The following EPHA2 variants were observed in gnomAD, a reference collection of about 807,000 sequenced individuals.
EPHA2 encodes the protein ephrin type-A receptor 2.
EPHA2 carries 54 observed loss-of-function variants against 104.9 expected under a neutral mutation model. The observed-to-expected ratio is 0.51, with a 90% CI of 0.41 to 0.65. EPHA2 has a LOEUF of 0.65. Among genes scored for constraint, EPHA2 ranks in the 30% least tolerant of loss-of-function variants. EPHA2 has a pLI of 0.00. For synonymous variants in EPHA2, 560 were observed against 559.1 expected, an observed-to-expected ratio of 1.00 and a Z score of -0.02; for missense variants, 1,117 against 1,369.5, an observed-to-expected ratio of 0.82 and a Z score of 2.91.
At position 16,133,328 on chromosome 1, in the gene EPHA2, G is replaced by A; in HGVS notation, c.1905C>T (p.Ser635=). Residue 635 remains serine (S), a synonymous_variant, in exon 11 of 17, where the codon TCC becomes TCT. Coordinates refer to ENST00000358432, the MANE Select transcript of EPHA2 (RefSeq NM_004431.5). ...GEVYKGMLKT[S]SGKKEVPVAI... ...CCACCGGCACCTCCTTCTTCCCCGAGGATGTCTTCAGCATGCCCTTGTACA... is the reference window on the plus strand; with the variant it reads ...CCACCGGCACCTCCTTCTTCCCCGAAGATGTCTTCAGCATGCCCTTGTACA... 6.2e-7 allele frequency: 1 copy of A among 1,613,816 alleles called. No individual in the cohort carries two copies. Among genetic ancestry groups the A allele is most frequent in the Non-Finnish European group, 8.5e-7 (1 of 1,179,946 alleles).
chr1:16,129,150 G>C (rs1049040303), intron 16 of EPHA2, among the ~76,000 whole-genome samples: 1 of 150,886 alleles, frequency 6.6e-6, no homozygotes, highest in Non-Finnish European at 1.5e-5. Context: ...AAGCAGAGAC[G>C]GCACATAGCC....
Position 16,143,195 on chromosome 1 carries a change from G to A in EPHA2, c.824-4765C>T, listed in dbSNP as rs369615726. The stretch of plus-strand genomic sequence containing the variant: ...GGATGGATGGATGGATGGATGAATG[G>A]ATGGATGGATGTAGGGGTGGATGGG... On this transcript the variant is annotated intron_variant, in intron 3 of 16. Coordinates refer to ENST00000358432, the MANE Select transcript of EPHA2 (RefSeq NM_004431.5). Among the ~76,000 whole-genome samples the A allele has an allele frequency of 1.1e-4, 15 of 136,342 alleles. No individual in the cohort carries two copies. In the South Asian group the frequency reaches 1.2e-3, roughly 11 times the overall value. The allele number at this position is 136,342 out of a possible 152,430, so 89.4% of individuals were successfully genotyped here. A position where few individuals can be genotyped will look rare whatever the true frequency, so the allele number is the denominator to read the frequency against.
chr1:16,135,811 C>T lies in EPHA2; in HGVS notation c.1313-41G>A, dbSNP rs1422151539. Reference sequence around the variant, plus strand: ...AGTGGGGGAAGTGGGTAAGAAGCTGCCTACGAGCAGGCAGGGTTTGGGGGG... The same window carrying T: ...AGTGGGGGAAGTGGGTAAGAAGCTGTCTACGAGCAGGCAGGGTTTGGGGGG... On this transcript the variant is annotated intron_variant, in intron 5 of 16. Coordinates refer to ENST00000358432, the MANE Select transcript of EPHA2 (RefSeq NM_004431.5). The surrounding 1 kb of genome is among the most constrained non-coding windows in gnomAD (Gnocchi z 4.3). 1.9e-6 allele frequency: 2 copies of T among 1,045,448 alleles called. No homozygotes were observed. Among genetic ancestry groups the T allele is most frequent in the African/African-American group, 3.1e-5 (2 of 64,270 alleles). The allele number at this position is 1,045,448 out of a possible 1,614,324, so 64.8% of individuals were successfully genotyped here.
intron 3 of EPHA2, among the ~76,000 whole-genome samples, chr1:16,145,158 C>A (rs1456857820): frequency 6.6e-6 from 1 of 152,120 alleles, no homozygotes; most frequent in Non-Finnish European, 1.5e-5. Context: ...AGGGCTGAGG[C>A]GCCAGCAGGG....
At chr1:16,140,810 A>T (rs1297273060) in intron 3 of EPHA2, among the ~76,000 whole-genome samples, 1 of 152,166 alleles carries the variant, frequency 6.6e-6, no homozygotes, top group Non-Finnish European at 1.5e-5. Flanking sequence ...GTAGAGATGC[A>T]GCCTGGTCTC....
chr1:16,153,162 T>C, intron 1 of EPHA2: 1 of 985,170 alleles, frequency 1.0e-6, no homozygotes, highest in Non-Finnish European at 1.2e-6. Flanking sequence ...CCTCCTTCTT[T>C]GCCATGAGTT....
chr1:16,155,630 C>T, intron 1 of EPHA2: 2 of 415,776 alleles, frequency 4.8e-6, no homozygotes, highest in Non-Finnish European at 8.4e-6. Context: ...CTCCGAGGCC[C>T]GTGCGACCAA....
At chr1:16,137,520 C>A (rs1286689510) in intron 5 of EPHA2, among the ~76,000 whole-genome samples, 4 of 152,160 alleles carry the variant, frequency 2.6e-5, no homozygotes, top group African/African-American at 7.2e-5. Flanking sequence ...ATTGCTTGAA[C>A]CCGGAAGGCA....
chr1:16,150,854 GC>G lies in EPHA2; in HGVS notation c.153+41del, dbSNP rs563765116. On this transcript the variant is annotated intron_variant, in intron 2 of 16. Coordinates refer to ENST00000358432, the MANE Select transcript of EPHA2 (RefSeq NM_004431.5). This position sits in a 1 kb window ranked among gnomAD's most constrained non-coding sequence, Gnocchi z 4.8. ...TCTCCATCTCTACAGGGGACCAGCA[GC>G]CCCATTCTCACACCTCTCCCCACCC... The G allele has an allele frequency of 2.3e-3, 3,647 of 1,607,822 alleles. 8 individuals carry two copies. The highest frequency in any genetic ancestry group is 2.9e-3 in the Non-Finnish European group (3,446 of 1,174,402).
rs2024555876 is a variant in EPHA2 at position 16,130,654 on chromosome 1, G to C, written c.2476-235C>G. On this transcript the variant is annotated intron_variant, in intron 14 of 16. Transcript: ENST00000358432. The surrounding 1 kb of genome is among the most constrained non-coding windows in gnomAD (Gnocchi z 4.5). ...GACTTTTTTTTTTTTGACTGAGACA[G>C]GGTCTCAGTCTGTCACCCAGGCTAG... Among the ~76,000 whole-genome samples the C allele has an allele frequency of 6.6e-6, 1 of 151,238 alleles. No individual in the cohort carries two copies. Among genetic ancestry groups the C allele is most frequent in the Non-Finnish European group, 1.5e-5 (1 of 67,824 alleles).
intron 1 of EPHA2, among the ~76,000 whole-genome samples, chr1:16,153,721 C>T (rs186522288): frequency 3.9e-5 from 6 of 152,262 alleles, no homozygotes; most frequent in South Asian, 2.1e-4. Context: ...ACAGGAGCCA[C>T]GTGGGCAACC....
intron 3 of EPHA2, among the ~76,000 whole-genome samples, chr1:16,139,704 G>C (rs921937970): frequency 6.6e-6 from 1 of 152,184 alleles, no homozygotes; most frequent in African/African-American, 2.4e-5. Flanking sequence ...AGGGAGTTAG[G>C]AGTGAGAAAG....
At position 16,133,622 on chromosome 1, in the gene EPHA2, G is replaced by T; in HGVS notation, c.1739-16C>A. On this transcript the variant is annotated splice_polypyrimidine_tract_variant and intron_variant, in intron 9 of 16. Transcript: ENST00000358432. ...TTCAGTTGTTCTGGAAGGAGAAGGG[G>T]TGGGGTCACAGGCAGCTCAGGAGGG... 1 of 1,613,658 alleles carries T rather than the reference G, an allele frequency of 6.2e-7. No homozygotes were observed. Among genetic ancestry groups the T allele is most frequent in the East Asian group, 2.2e-5 (1 of 44,880 alleles).
chr1:16,132,565 C>A, intron 11 of EPHA2, 126 bp from the exon 12 acceptor site: 1 of 995,712 alleles, frequency 1.0e-6, no homozygotes, highest in Non-Finnish European at 1.5e-6. Flanking sequence ...AGAGGTGGAA[C>A]AGGTGTGGGG....
Position 16,148,663 on chromosome 1 carries a change from G to A in EPHA2, c.538C>T (p.Leu180=), listed in dbSNP as rs2124262221. Residue 180 remains leucine, a synonymous_variant, in exon 3 of 17, where the codon CTG becomes TTG. Coordinates refer to ENST00000358432, the MANE Select transcript of EPHA2 (RefSeq NM_004431.5). The surrounding 1 kb of genome is among the most constrained non-coding windows in gnomAD (Gnocchi z 4.9). ...VGPLTRKGFY[L]AFQDIGACVA... is the part of the protein sequence containing the mutation. The stretch of plus-strand genomic sequence containing the variant: ...CAGGCACCGATATCCTGGAAGGCCA[G>A]GTAGAAGCCTTTGCGGGTGAGCGGC... 8 of 1,610,092 alleles carry A rather than the reference G, an allele frequency of 5.0e-6. No homozygotes were observed. The highest frequency in any genetic ancestry group is 6.8e-6 in the Non-Finnish European group (8 of 1,180,018).
chr1:16,138,906 T>C (rs1426241263), intron 3 of EPHA2, among the ~76,000 whole-genome samples: 1 of 152,166 alleles, frequency 6.6e-6, no homozygotes, highest in Non-Finnish European at 1.5e-5. Context: ...TTGTTGACTG[T>C]CACCACCACC....
At chr1:16,155,716 G>T (rs998741954) in intron 1 of EPHA2, 132 bp downstream of exon 1, 1 of 675,834 alleles carries the variant, frequency 1.5e-6, no homozygotes, top group Non-Finnish European at 2.2e-6. Flanking sequence ...CAGCCCGTGC[G>T]CCCTCCGGAC....
At position 16,134,991 on chromosome 1, in the gene EPHA2, G is replaced by A. The variant is rs1211640261; in HGVS notation, c.1582+45C>T. Reference sequence around the variant, plus strand: ...TTTCCCAAGATGTCTCAATTGCTTGGTTCTGGGCCCTGGCCTGGTCCATGC... The same window carrying A: ...TTTCCCAAGATGTCTCAATTGCTTGATTCTGGGCCCTGGCCTGGTCCATGC... On this transcript the variant is annotated intron_variant, in intron 7 of 16. Transcript: ENST00000358432. This position sits in a 1 kb window ranked among gnomAD's most constrained non-coding sequence, Gnocchi z 4.5. 6.2e-7 allele frequency: 1 copy of A among 1,606,894 alleles called. No individual in the cohort carries two copies. Among genetic ancestry groups the A allele is most frequent in the East Asian group, 2.2e-5 (1 of 44,872 alleles).
At position 16,145,159 on chromosome 1, in the gene EPHA2, G is replaced by A. The variant is rs539522439; in HGVS notation, c.823+3219C>T. On this transcript the variant is annotated intron_variant, in intron 3 of 16. Coordinates refer to ENST00000358432, the MANE Select transcript of EPHA2 (RefSeq NM_004431.5). ...GACCAGCGGTCCCCAGGGCTGAGGC[G>A]CCAGCAGGGGCCCCGCCAGCTGCTG... Among the ~76,000 whole-genome samples, 6 of 152,290 alleles carry A rather than the reference G, an allele frequency of 3.9e-5. No individual in the cohort carries two copies. In the South Asian group the frequency reaches 6.2e-4, roughly 16 times the overall value.
Sources: gnomAD v4.1 joint callset for allele counts (sites outside exome capture counted in the v4.1 genomes callset) on GRCh38, gnomAD v4.1.1 for gene constraint, Gnocchi (gnomAD v3.1) non-coding constraint, MANE v1.5 for transcripts, NCBI Gene and HGNC (gene_info 2026-07-23, HGNC 2026-07-21) for gene names.